Variants in GPR137C observed in about 807,000 individuals in gnomAD.
GPR137C encodes integral membrane protein GPR137C.
GPR137C carries 27 observed loss-of-function variants against 43.4 expected under a neutral mutation model. The observed-to-expected ratio is 0.62, with a 90% CI of 0.46 to 0.86. The LOEUF (loss-of-function observed/expected upper bound fraction) is 0.86, where lower values mean the gene tolerates loss of function less well. Ranked by LOEUF, GPR137C falls within the 40% of genes least tolerant of loss-of-function variation. The pLI, the probability that GPR137C is intolerant of heterozygous loss-of-function variation, is 0.00. For synonymous variants in GPR137C, 285 were observed against 226.9 expected (o/e 1.26, Z -2.30); for missense variants, 522 against 534.6 (o/e 0.98, Z 0.23).
At chr14:52,634,329 T>C (rs1448850258) in intron 6 of GPR137C, among the ~76,000 whole-genome samples, 1 of 152,130 alleles carries the variant, frequency 6.6e-6, no homozygotes, top group Non-Finnish European at 1.5e-5. Flanking sequence ...CTTGGGAAGC[T>C]TAATTGCCAT....
chr14:52,627,310 T>C (rs2039239432), intron 3 of GPR137C, among the ~76,000 whole-genome samples: 1 of 152,148 alleles, frequency 6.6e-6, no homozygotes, highest in Non-Finnish European at 1.5e-5. Flanking sequence ...GGAGGATCCC[T>C]TGAGCCCAGG....
At chr14:52,609,407 G>A (rs1029476573) in intron 3 of GPR137C, among the ~76,000 whole-genome samples, 1 of 152,130 alleles carries the variant, frequency 6.6e-6, no homozygotes, top group Non-Finnish European at 1.5e-5. Context: ...TGGGGTAAGT[G>A]GCACCTTATT....
intron 1 of GPR137C, among the ~76,000 whole-genome samples, chr14:52,574,303 G>A (rs140665442): frequency 0.011 from 1,703 of 152,118 alleles, 17 homozygotes; most frequent in Non-Finnish European, 0.019. Flanking sequence ...CATTAGCAAA[G>A]ACTTGGAACC....
intron 1 of GPR137C, among the ~76,000 whole-genome samples, chr14:52,585,247 C>T (rs982816465): frequency 6.6e-6 from 1 of 152,218 alleles, no homozygotes; most frequent in African/African-American, 2.4e-5. Flanking sequence ...GTGCAGACCT[C>T]CAAGTTTTTC....
chr14:52,568,450 A>G (rs2038408214), intron 1 of GPR137C, among the ~76,000 whole-genome samples: 2 of 152,076 alleles, frequency 1.3e-5, no homozygotes, highest in African/African-American at 4.8e-5. Flanking sequence ...ACACCAGCGA[A>G]ACAACCGTTC....
chr14:52,601,394 G>A (rs1309415859), intron 3 of GPR137C, among the ~76,000 whole-genome samples: 1 of 151,602 alleles, frequency 6.6e-6, no homozygotes, highest in African/African-American at 2.4e-5. Context: ...TAAATATATG[G>A]TAATCAACTT....
chr14:52,575,034 A>G (rs895519768), intron 1 of GPR137C, among the ~76,000 whole-genome samples: 1 of 152,170 alleles, frequency 6.6e-6, no homozygotes, highest in Non-Finnish European at 1.5e-5. Flanking sequence ...ATTGTATGAG[A>G]CTCTTGGTTC....
intron 1 of GPR137C, among the ~76,000 whole-genome samples, chr14:52,569,488 A>G (rs531043771): frequency 6.6e-6 from 1 of 152,022 alleles, no homozygotes; most frequent in East Asian, 1.9e-4. Flanking sequence ...ATAATAACGA[A>G]CTCCTCCAAG....
At chr14:52,567,585 G>A (rs1377027585) in intron 1 of GPR137C, among the ~76,000 whole-genome samples, 1 of 151,244 alleles carries the variant, frequency 6.6e-6, no homozygotes, top group Non-Finnish European at 1.5e-5. Context: ...TTTTTCTGTC[G>A]TACTCTAGAA....
chr14:52,617,562 C>A (rs1391610903), intron 3 of GPR137C, among the ~76,000 whole-genome samples: 1 of 152,088 alleles, frequency 6.6e-6, no homozygotes, highest in African/African-American at 2.4e-5. Flanking sequence ...GCCTGTAATA[C>A]CAGCTACTTG....
intron 1 of GPR137C, among the ~76,000 whole-genome samples, chr14:52,577,356 T>A (rs1008943001): frequency 2.0e-5 from 3 of 151,900 alleles, no homozygotes; most frequent in Non-Finnish European, 4.4e-5. Context: ...AAAGGGAAGT[T>A]TATAGTGTTA....
intron 1 of GPR137C, among the ~76,000 whole-genome samples, chr14:52,583,561 G>A (rs2038675928): frequency 1.3e-5 from 2 of 152,130 alleles, no homozygotes; most frequent in African/African-American, 4.8e-5. Flanking sequence ...GTCTTCACAT[G>A]ATCCTTTTAA....
At chr14:52,556,539 C>T (rs915590092) in intron 1 of GPR137C, among the ~76,000 whole-genome samples, 5 of 151,614 alleles carry the variant, frequency 3.3e-5, no homozygotes, top group Admixed American at 3.3e-4. Flanking sequence ...AAAAGAAAAG[C>T]CACCTTGTAC....
intron 3 of GPR137C, among the ~76,000 whole-genome samples, chr14:52,618,300 G>A (rs1028637711): frequency 3.3e-5 from 5 of 152,086 alleles, no homozygotes; most frequent in East Asian, 1.9e-4. Context: ...GGGCATTTTT[G>A]TTCTGAAATC....
chr14:52,635,960 A>C lies in GPR137C; in HGVS notation c.*845A>C, dbSNP rs1015923659. ...GATGCATTTAAGAATTATTCACAAA[A>C]TGTGTAATTCTAAATTAAAACATAA... On this transcript the variant is annotated 3_prime_UTR_variant, in exon 7 of 7. Coordinates refer to ENST00000321662, the MANE Select transcript of GPR137C (RefSeq NM_001099652.2). 1 of 152,160 alleles carries C rather than the reference A, an allele frequency of 6.6e-6. No individual in the cohort carries two copies. Among genetic ancestry groups the C allele is most frequent in the Non-Finnish European group, 1.5e-5 (1 of 68,016 alleles). The allele number at this position is 152,160 out of a possible 1,614,324, so 9.4% of individuals were successfully genotyped here. A position where few individuals can be genotyped will look rare whatever the true frequency, so the allele number is the denominator to read the frequency against.
chr14:52,564,613 T>A (rs1448293971), intron 1 of GPR137C, among the ~76,000 whole-genome samples: 1 of 152,114 alleles, frequency 6.6e-6, no homozygotes, highest in Non-Finnish European at 1.5e-5. Context: ...AATTATAGAC[T>A]AGTAGAGGAG....
chr14:52,600,791 T>C (rs529716798), intron 3 of GPR137C, among the ~76,000 whole-genome samples: 1 of 152,322 alleles, frequency 6.6e-6, no homozygotes, highest in Non-Finnish European at 1.5e-5. Context: ...TAAATCAGAA[T>C]ATATATGAAT....
At chr14:52,564,931 T>C (rs2038343538) in intron 1 of GPR137C, among the ~76,000 whole-genome samples, 1 of 151,272 alleles carries the variant, frequency 6.6e-6, no homozygotes, top group Non-Finnish European at 1.5e-5. Flanking sequence ...ACCTCCTCCC[T>C]TCAAAAAAAA....
intron 3 of GPR137C, among the ~76,000 whole-genome samples, chr14:52,605,679 G>A (rs146643060): frequency 1.2e-4 from 19 of 152,250 alleles, no homozygotes; most frequent in African/African-American, 4.6e-4. Flanking sequence ...TATTAGTTGT[G>A]TGTTTGTCAT....
Sources: gnomAD v4.1 joint callset for allele counts (sites outside exome capture counted in the v4.1 genomes callset) on GRCh38, gnomAD v4.1.1 for gene constraint, MANE v1.5 for transcripts, NCBI Gene and HGNC (gene_info 2026-07-23, HGNC 2026-07-21) for gene names.